Variants in UMAD1 observed in about 807,000 individuals in gnomAD.
UMAD1 encodes UBAP1-MVB12-associated (UMA) domain containing 1.
UMAD1 carries 8 observed loss-of-function variants against 6.1 expected under a neutral mutation model. The ratio of observed to expected loss-of-function variants is 1.30; its 90% CI spans 0.76 to 2.35. UMAD1 has a LOEUF of 2.35. Ranked by LOEUF, UMAD1 falls within the 30% of genes most tolerant of loss-of-function variation. UMAD1 has a pLI of 0.00. For missense variants in UMAD1, 130 were observed against 78.4 expected, an observed-to-expected ratio of 1.66 and a Z score of -2.49; for synonymous variants, 56 against 31.4, an observed-to-expected ratio of 1.78 and a Z score of -2.61.
chr7:7,678,015 A>G (rs1779792145), intron 2 of UMAD1, among the ~76,000 whole-genome samples: 2 of 152,098 alleles, frequency 1.3e-5, no homozygotes, highest in African/African-American at 4.8e-5. Flanking sequence ...TTGATTCTAT[A>G]TGTTGGCTAT....
chr7:7,800,993 T>A (rs1782787580), intron 2 of UMAD1, among the ~76,000 whole-genome samples: 1 of 152,250 alleles, frequency 6.6e-6, no homozygotes, highest in Non-Finnish European at 1.5e-5. Context: ...CCATTAGTGA[T>A]AATTAATAAA....
intron 2 of UMAD1, among the ~76,000 whole-genome samples, chr7:7,677,333 C>G (rs1436127665): frequency 1.3e-5 from 2 of 152,070 alleles, no homozygotes; most frequent in Non-Finnish European, 2.9e-5. Flanking sequence ...CTACCAAATA[C>G]TAGATCTTAT....
chr7:7,681,986 A>G (rs1229631267), intron 2 of UMAD1, among the ~76,000 whole-genome samples: 1 of 152,216 alleles, frequency 6.6e-6, no homozygotes, highest in Non-Finnish European at 1.5e-5. Flanking sequence ...ATAAATGAAA[A>G]GGAACAATTT....
intron 3 of UMAD1, among the ~76,000 whole-genome samples, chr7:7,861,238 A>T (rs1204462572): frequency 7.9e-5 from 12 of 152,324 alleles, no homozygotes; most frequent in Non-Finnish European, 1.6e-4. Flanking sequence ...TTAAGATGGT[A>T]AATTTTATTT....
intron 3 of UMAD1, among the ~76,000 whole-genome samples, chr7:7,814,840 C>T (rs1014655302): frequency 2.0e-5 from 3 of 152,076 alleles, no homozygotes; most frequent in Non-Finnish European, 4.4e-5. Flanking sequence ...ACACACTTAC[C>T]TCCAGTGCGA....
At chr7:7,864,325 A>T (rs982260450) in intron 3 of UMAD1, among the ~76,000 whole-genome samples, 1 of 152,166 alleles carries the variant, frequency 6.6e-6, no homozygotes, top group African/African-American at 2.4e-5. Flanking sequence ...TGAGCTCTAC[A>T]TTTAGAAATA....
intron 2 of UMAD1, among the ~76,000 whole-genome samples, chr7:7,743,690 A>G (rs1781516460): frequency 2.8e-5 from 1 of 35,994 alleles, no homozygotes; most frequent in Non-Finnish European, 6.1e-5. Context: ...ATATGTGTAT[A>G]TGTATATGTA....
chr7:7,838,875 A>T (rs1342708986), intron 3 of UMAD1, among the ~76,000 whole-genome samples: 1 of 152,232 alleles, frequency 6.6e-6, no homozygotes, highest in East Asian at 1.9e-4. Context: ...AAACATGCAA[A>T]GCTATCCGAT....
chr7:7,665,745 T>G (rs551316808), intron 1 of UMAD1, among the ~76,000 whole-genome samples: 1 of 152,194 alleles, frequency 6.6e-6, no homozygotes, highest in African/African-American at 2.4e-5. Context: ...CACTGTACAC[T>G]AGTTTGTATT....
intron 2 of UMAD1, among the ~76,000 whole-genome samples, chr7:7,726,422 A>G (rs915488399): frequency 2.0e-5 from 3 of 152,244 alleles, no homozygotes; most frequent in Non-Finnish European, 4.4e-5. Flanking sequence ...GATTGATAGA[A>G]TAATGGAATG....
chr7:7,674,192 C>T (rs773846652), intron 2 of UMAD1, among the ~76,000 whole-genome samples: 6 of 152,144 alleles, frequency 3.9e-5, no homozygotes, highest in Non-Finnish European at 8.8e-5. Context: ...ATTCCTACTC[C>T]TTCTCTGAGA....
chr7:7,657,554 A>G (rs1268792631), intron 1 of UMAD1, among the ~76,000 whole-genome samples: 1 of 152,160 alleles, frequency 6.6e-6, no homozygotes, highest in Non-Finnish European at 1.5e-5. Context: ...TCCCAACAGC[A>G]TTTATTACAT....
chr7:7,834,016 C>CTTTTTTTTTTTTTTT (rs4034895), intron 3 of UMAD1, among the ~76,000 whole-genome samples: 83 of 110,458 alleles, frequency 7.5e-4, no homozygotes, highest in Non-Finnish European at 1.0e-3. Flanking sequence ...TTTTTCTTTT[C>CTTTTTTTTTTTTTTT]TTTTTTTTTT....
intron 2 of UMAD1, chr7:7,742,513 G>A (rs569824295): frequency 5.2e-4 from 271 of 522,144 alleles, no homozygotes; most frequent in Admixed American, 9.5e-4. Context: ...CTTCACTTTG[G>A]CTTCAGCTGT....
At chr7:7,792,583 T>C (rs1933207616) in intron 2 of UMAD1, among the ~76,000 whole-genome samples, 1 of 152,148 alleles carries the variant, frequency 6.6e-6, no homozygotes, top group Non-Finnish European at 1.5e-5. Flanking sequence ...CAGACTTGGG[T>C]TTTAGTACCA....
chr7:7,776,620 A>T (rs1013160378), intron 2 of UMAD1, among the ~76,000 whole-genome samples: 2 of 152,232 alleles, frequency 1.3e-5, no homozygotes, highest in African/African-American at 4.8e-5. Context: ...CAAAGACAGC[A>T]TGCCAAAAAA....
intron 3 of UMAD1, among the ~76,000 whole-genome samples, chr7:7,855,691 CATT>C (rs1004851180): frequency 7.9e-5 from 12 of 152,058 alleles, no homozygotes; most frequent in Non-Finnish European, 1.5e-4. Flanking sequence ...ACATTTTCCT[CATT>C]GTTGGGTATT....
At chr7:7,791,073 A>T (rs757763304) in intron 2 of UMAD1, among the ~76,000 whole-genome samples, 14 of 152,176 alleles carry the variant, frequency 9.2e-5, no homozygotes, top group Non-Finnish European at 1.3e-4. Flanking sequence ...TTTTTAGTAG[A>T]CATGGGGTTT....
chr7:7,727,779 A>G (rs535376772), intron 2 of UMAD1, among the ~76,000 whole-genome samples: 4 of 152,258 alleles, frequency 2.6e-5, no homozygotes, highest in Admixed American at 6.5e-5. Flanking sequence ...TCAGACTTCA[A>G]GTTCTTCAGC....
Sources: allele counts gnomAD v4.1 joint callset (sites outside exome capture counted in the v4.1 genomes callset), GRCh38; gene constraint gnomAD v4.1.1; transcripts MANE v1.5; gene names NCBI Gene and HGNC (gene_info 2026-07-23, HGNC 2026-07-21).